The following PDE1A variants were observed in gnomAD, a reference collection of about 807,000 sequenced individuals.
The protein encoded by PDE1A is phosphodiesterase 1A.
A neutral mutation model predicts 61.7 loss-of-function variants in PDE1A; 35 were observed. The observed-to-expected ratio is 0.57, with a 90% CI of 0.43 to 0.75. The LOEUF (loss-of-function observed/expected upper bound fraction) is 0.75. Ranked by LOEUF, PDE1A falls within the 30% of genes least tolerant of loss-of-function variation. The probability of loss-of-function intolerance (pLI) is 0.00; values close to 1 mark genes in which losing one functional copy is unlikely to be tolerated. For synonymous variants in PDE1A, 232 were observed against 213.2 expected (o/e 1.09, Z -0.77); for missense variants, 597 against 630.6 (o/e 0.95, Z 0.57).
At chr2:182,613,473 G>A in the PDE1A span, among the ~76,000 whole-genome samples, 1 of 151,244 alleles carries the variant, frequency 6.6e-6, no homozygotes, top group Non-Finnish European at 1.5e-5. Flanking sequence ...TGAGGCAGGA[G>A]AATTGCGTGA....
At chr2:182,660,254 A>C in the PDE1A span, among the ~76,000 whole-genome samples, 3 of 152,232 alleles carry the variant, frequency 2.0e-5, no homozygotes, top group Admixed American at 6.5e-5. Flanking sequence ...TATTTAGAAA[A>C]GAGAAAGATT....
intron 1 of PDE1A, among the ~76,000 whole-genome samples, chr2:182,270,493 T>C (rs1344282134): frequency 6.6e-6 from 1 of 152,004 alleles, no homozygotes; most frequent in Non-Finnish European, 1.5e-5. Flanking sequence ...ATGCATGTCT[T>C]TTTAAATTTT....
chr2:182,532,773 C>T, the PDE1A span, among the ~76,000 whole-genome samples: 23 of 150,714 alleles, frequency 1.5e-4, 2 homozygotes, highest in South Asian at 4.4e-3. Context: ...ACGGTGAGAC[C>T]CCGTCTCTAC....
Position 182,387,223 on chromosome 2 carries a change from A to G in PDE1A, c.53+39355T>C, listed in dbSNP as rs577254702. 1.5e-3 allele frequency among the ~76,000 whole-genome samples: 225 copies of G among 152,202 alleles called. No homozygotes were observed. In the Middle Eastern group the frequency reaches 0.017, roughly 12 times the overall value. ...TTAAGCAGATGCTTGAAGGCAGCAT[A>G]CTCGTTAAGAGTCATCACCACTCCC... On this transcript the variant is annotated intron_variant, in intron 1 of 13. Coordinates refer to ENST00000351439, the Ensembl canonical transcript of PDE1A.
intron 13 of PDE1A, among the ~76,000 whole-genome samples, chr2:182,172,003 C>A (rs1346809267): frequency 6.6e-6 from 1 of 151,936 alleles, no homozygotes; most frequent in Non-Finnish European, 1.5e-5. Context: ...ACAATTAGAG[C>A]AAGTGACTAG....
intron 1 of PDE1A, among the ~76,000 whole-genome samples, chr2:182,342,458 A>C (rs754596238): frequency 2.6e-5 from 4 of 152,104 alleles, no homozygotes; most frequent in Non-Finnish European, 4.4e-5. Context: ...CAAAGGAGGG[A>C]GGATCACGAG....
chr2:182,306,704 C>T (rs1695611028), intron 1 of PDE1A, among the ~76,000 whole-genome samples: 1 of 151,990 alleles, frequency 6.6e-6, no homozygotes, highest in Admixed American at 6.6e-5. Flanking sequence ...TGCAAGAATA[C>T]AATGGGAAGA....
chr2:182,599,629 T>C, the PDE1A span, among the ~76,000 whole-genome samples: 2 of 131,080 alleles, frequency 1.5e-5, no homozygotes, highest in Non-Finnish European at 3.2e-5. Flanking sequence ...TTTAAACTGA[T>C]AAAATTTTCA....
chr2:182,263,493 T>C (rs1042818826), intron 2 of PDE1A, among the ~76,000 whole-genome samples: 15 of 152,344 alleles, frequency 9.8e-5, no homozygotes, highest in African/African-American at 3.6e-4. Flanking sequence ...CTATTCTACC[T>C]GCTTTATGGC....
the PDE1A span, among the ~76,000 whole-genome samples, chr2:182,570,974 T>C: frequency 6.6e-6 from 1 of 152,216 alleles, no homozygotes; most frequent in Admixed American, 6.5e-5. Flanking sequence ...TGAGTTGATA[T>C]GGATATTATA....
intron 1 of PDE1A, among the ~76,000 whole-genome samples, chr2:182,306,044 C>T (rs2125930126): frequency 6.6e-6 from 1 of 152,228 alleles, no homozygotes; most frequent in Non-Finnish European, 1.5e-5. Context: ...ATATCCTCCA[C>T]CCCCAGCCTC....
At chr2:182,157,846 C>T (rs1423043968) in intron 13 of PDE1A, among the ~76,000 whole-genome samples, 2 of 152,180 alleles carry the variant, frequency 1.3e-5, no homozygotes, top group Non-Finnish European at 2.9e-5. Context: ...TTTTCCATCT[C>T]ATCTTTTAGC....
chr2:182,415,794 T>A (rs557443669), intron 1 of PDE1A, among the ~76,000 whole-genome samples: 1 of 152,258 alleles, frequency 6.6e-6, no homozygotes, highest in Non-Finnish European at 1.5e-5. Flanking sequence ...TCTCTCCATG[T>A]CTAGAAAAGG....
intron 1 of PDE1A, among the ~76,000 whole-genome samples, chr2:182,407,807 A>G (rs1469793681): frequency 6.6e-6 from 1 of 152,220 alleles, no homozygotes; most frequent in Non-Finnish European, 1.5e-5. Context: ...AGACTAGCCA[A>G]TAATTGGAAA....
the PDE1A span, among the ~76,000 whole-genome samples, chr2:182,577,990 A>AAGGAAGGAAGGAAGGG: frequency 6.0e-3 from 822 of 137,496 alleles, 74 homozygotes; most frequent in African/African-American, 0.022. Flanking sequence ...GGAAGGAAGG[A>AAGGAAGGAAGGAAGGG]AGGGACGGAG....
At chr2:182,675,964 T>C in the PDE1A span, among the ~76,000 whole-genome samples, 109,553 of 152,062 alleles carry the variant, frequency 0.72, 39,670 homozygotes, top group Middle Eastern at 0.79. Flanking sequence ...TAATTAGATC[T>C]CATTTGTCAA....
intron 2 of PDE1A, among the ~76,000 whole-genome samples, chr2:182,457,600 AT>A (rs1238915242): frequency 6.6e-6 from 1 of 152,012 alleles, no homozygotes; most frequent in African/African-American, 2.4e-5. Flanking sequence ...ATGCTGATGT[AT>A]GGTTTTGGTA....
At chr2:182,330,848 A>T (rs1382944100) in intron 1 of PDE1A, among the ~76,000 whole-genome samples, 1 of 152,076 alleles carries the variant, frequency 6.6e-6, no homozygotes, top group Non-Finnish European at 1.5e-5. Context: ...TCTCCCACAC[A>T]GTCCTTTACA....
chr2:182,589,080 TAATAATAATA>T, the PDE1A span, among the ~76,000 whole-genome samples: 2 of 146,766 alleles, frequency 1.4e-5, no homozygotes, highest in South Asian at 2.1e-4. Flanking sequence ...ATAATAATAA[TAATAATAATA>T]ATTTTAATGA....
Sources: gnomAD v4.1 joint callset for allele counts (sites outside exome capture counted in the v4.1 genomes callset) on GRCh38, gnomAD v4.1.1 for gene constraint, MANE v1.5 for transcripts, NCBI Gene and HGNC (gene_info 2026-07-23, HGNC 2026-07-21) for gene names.